Variants in ARMC8 observed in about 807,000 individuals in gnomAD.
ARMC8 encodes the protein armadillo repeat containing 8.
ARMC8 carries 20 observed loss-of-function variants against 99.3 expected under a neutral mutation model. That is an observed-to-expected ratio of 0.20 (90% CI 0.14 to 0.29). The LOEUF (loss-of-function observed/expected upper bound fraction) is 0.29. Ranked by LOEUF, ARMC8 falls within the 10% of genes least tolerant of loss-of-function variation. The pLI is 1.00. For synonymous variants in ARMC8, 263 were observed against 278.3 expected (o/e 0.95, Z 0.55); for missense variants, 569 against 809.5 (o/e 0.70, Z 3.60).
intron 7 of ARMC8, among the ~76,000 whole-genome samples, 158 bp downstream of exon 7, chr3:138,235,272 T>TA (rs35705979): frequency 0.012 from 1,644 of 139,388 alleles, 13 homozygotes; most frequent in Non-Finnish European, 0.013. Context: ...GAATGCTCTT[T>TA]AAAAAAAAAA....
chr3:138,255,358 A>G (rs1276826975), intron 12 of ARMC8, among the ~76,000 whole-genome samples: 3 of 151,328 alleles, frequency 2.0e-5, no homozygotes, highest in Non-Finnish European at 4.4e-5. Flanking sequence ...GCCTGCAACC[A>G]CACCCGGCTA....
intron 6 of ARMC8, among the ~76,000 whole-genome samples, chr3:138,233,344 A>T (rs1378092502): frequency 6.6e-6 from 1 of 152,236 alleles, no homozygotes; most frequent in Admixed American, 6.5e-5. Flanking sequence ...CAATAACTAT[A>T]TCACACCATT....
intron 1 of ARMC8, among the ~76,000 whole-genome samples, chr3:138,209,171 A>G (rs1327221163): frequency 6.6e-6 from 1 of 152,204 alleles, no homozygotes; most frequent in Non-Finnish European, 1.5e-5. Flanking sequence ...TATAGAAGTA[A>G]TATTCCTATC....
At chr3:138,226,211 G>T (rs571456139) in intron 5 of ARMC8, among the ~76,000 whole-genome samples, 3 of 152,146 alleles carry the variant, frequency 2.0e-5, no homozygotes, top group Admixed American at 6.6e-5. Context: ...GGCCAGGCTG[G>T]TCTCGAACTC....
At chr3:138,248,977 A>G (rs2047004453) in intron 12 of ARMC8, among the ~76,000 whole-genome samples, 2 of 152,190 alleles carry the variant, frequency 1.3e-5, no homozygotes, top group Admixed American at 6.5e-5. Context: ...TTTTAGCTGG[A>G]GATTTCTTTC....
intron 1 of ARMC8, among the ~76,000 whole-genome samples, chr3:138,192,483 T>C (rs2043450753): frequency 6.6e-6 from 1 of 152,072 alleles, no homozygotes; most frequent in Admixed American, 6.5e-5. Context: ...TTCACTGTGT[T>C]AGCCAGGATA....
chr3:138,237,802 T>G (rs986266168), intron 9 of ARMC8, among the ~76,000 whole-genome samples: 1 of 152,306 alleles, frequency 6.6e-6, no homozygotes, highest in African/African-American at 2.4e-5. Flanking sequence ...GAGACTGTCT[T>G]CAGAAAATTA....
chr3:138,249,922 G>C (rs774380255), intron 12 of ARMC8, among the ~76,000 whole-genome samples: 3 of 152,162 alleles, frequency 2.0e-5, no homozygotes, highest in Non-Finnish European at 4.4e-5. Context: ...AGCTATCCTT[G>C]AGTCAATTTG....
intron 12 of ARMC8, chr3:138,245,623 G>C: frequency 1.0e-6 from 1 of 996,618 alleles, no homozygotes; most frequent in Non-Finnish European, 1.2e-6. Context: ...TTAGTTTTAT[G>C]TTTTGATTTT....
intron 21 of ARMC8, among the ~76,000 whole-genome samples, chr3:138,291,107 A>G (rs891629005): frequency 6.6e-6 from 1 of 152,224 alleles, no homozygotes; most frequent in African/African-American, 2.4e-5. Flanking sequence ...AAGAGTTATA[A>G]TCAGATACTC....
At chr3:138,237,186 T>C (rs1387003515) in intron 7 of ARMC8, 123 bp from the exon 8 acceptor site, 3 of 783,396 alleles carry the variant, frequency 3.8e-6, no homozygotes, top group Non-Finnish European at 6.3e-6. Context: ...TGTTATTTCT[T>C]TGAGGCCTGT....
At chr3:138,239,619 A>G (rs1461765424) in intron 10 of ARMC8, 91 bp downstream of exon 10, 3 of 796,318 alleles carry the variant, frequency 3.8e-6, no homozygotes, top group African/African-American at 3.6e-5. Flanking sequence ...TTACACATTT[A>G]TCATTATGAT....
chr3:138,243,170 C>T (rs2046708960), intron 11 of ARMC8, among the ~76,000 whole-genome samples: 1 of 152,182 alleles, frequency 6.6e-6, no homozygotes, highest in African/African-American at 2.4e-5. Context: ...AGTAAGGAAA[C>T]AATTTTAAGA....
At chr3:138,210,786 C>T (rs115168081) in intron 2 of ARMC8, among the ~76,000 whole-genome samples, 111 of 152,080 alleles carry the variant, frequency 7.3e-4, no homozygotes, top group African/African-American at 2.5e-3. Context: ...CAAGTTTCTT[C>T]GGACTGCAGT....
At chr3:138,218,866 G>T (rs2045233999) in intron 2 of ARMC8, among the ~76,000 whole-genome samples, 1 of 152,056 alleles carries the variant, frequency 6.6e-6, no homozygotes, top group Non-Finnish European at 1.5e-5. Context: ...CATTCTTTTG[G>T]TCTACTGGGA....
At chr3:138,226,511 G>C (rs2045704930) in intron 5 of ARMC8, among the ~76,000 whole-genome samples, 1 of 152,200 alleles carries the variant, frequency 6.6e-6, no homozygotes, top group Admixed American at 6.5e-5. Flanking sequence ...AGGTAACTCA[G>C]ATGCTGCTGG....
At chr3:138,197,356 CT>C (rs951664186) in intron 1 of ARMC8, among the ~76,000 whole-genome samples, 1 of 152,278 alleles carries the variant, frequency 6.6e-6, no homozygotes, top group African/African-American at 2.4e-5. Context: ...AAATAAAGCC[CT>C]TTTTTATCAG....
At chr3:138,187,770 G>A (rs1211343687) in intron 1 of ARMC8, 171 bp downstream of exon 1, 1 of 702,332 alleles carries the variant, frequency 1.4e-6, no homozygotes. Flanking sequence ...ACGGGCAGAG[G>A]GGACCGCGGC....
In ARMC8 at chr3:138,298,111, A is replaced by G. The variant is rs1228592036; in HGVS notation, c.*2219A>G. On this transcript the variant is annotated 3_prime_UTR_variant, in exon 22 of 22. Coordinates refer to ENST00000469044, the MANE Select transcript of ARMC8 (RefSeq NM_001363941.2). ...GCTGCTTTATGCAGGTGCAGTGTTCAGTCAGCAAGGAAGTGGGAAGAGTGG... is the reference window on the plus strand; with the variant it reads ...GCTGCTTTATGCAGGTGCAGTGTTCGGTCAGCAAGGAAGTGGGAAGAGTGG... 6.6e-6 allele frequency: 1 copy of G among 152,264 alleles called. No homozygotes were observed. Among genetic ancestry groups the G allele is most frequent in the Non-Finnish European group, 1.5e-5 (1 of 68,048 alleles). 9.4% of individuals were successfully genotyped at this position (152,264 alleles called of 1,614,324 possible). A position where few individuals can be genotyped will look rare whatever the true frequency, so the allele number is the denominator to read the frequency against.
Sources: gnomAD v4.1 joint callset for allele counts (sites outside exome capture counted in the v4.1 genomes callset) on GRCh38, gnomAD v4.1.1 for gene constraint, MANE v1.5 for transcripts, NCBI Gene and HGNC (gene_info 2026-07-23, HGNC 2026-07-21) for gene names.